Variants in CLPX observed in about 807,000 individuals in gnomAD.
CLPX encodes the protein caseinolytic mitochondrial matrix peptidase chaperone subunit X.
A neutral mutation model predicts 76.4 loss-of-function variants in CLPX; 34 were observed. The ratio of observed to expected loss-of-function variants is 0.45; its 90% CI spans 0.34 to 0.59. The LOEUF (loss-of-function observed/expected upper bound fraction) is 0.59. CLPX is among the 20% of genes least tolerant of loss of function. The pLI, the probability that CLPX is intolerant of heterozygous loss-of-function variation, is 0.01. For synonymous variants in CLPX, 248 were observed against 270.9 expected (o/e 0.92, Z 0.83); for missense variants, 613 against 757.0 (o/e 0.81, Z 2.23).
Position 65,185,099 on chromosome 15 carries a change from A to C in CLPX, c.55T>G (p.Ser19Ala), listed in dbSNP as rs765582146. The C allele has an allele frequency of 5.7e-6, 9 of 1,573,990 alleles. No homozygotes were observed. Among genetic ancestry groups the C allele is most frequent in the Non-Finnish European group, 7.7e-6 (9 of 1,161,806 alleles). Residue 19 changes from serine (S) to alanine (A), a missense_variant, in exon 1 of 14, where the codon TCC becomes GCC. By Grantham distance (99) the Ser-to-Ala change is moderately conservative. Coordinates refer to ENST00000300107, the MANE Select transcript of CLPX (RefSeq NM_006660.5). ...CCTCTCTGCGCGGAGGCGAGTGAGG[A>C]GGTGATGAGCCGGACGGCCGCCGCG... Reference protein sequence around the residue: ...CGAAAVRLITSSLASAQRGIS... With the variant: ...CGAAAVRLITASLASAQRGIS...
rs2140626841 is a variant in CLPX at position 65,163,893 on chromosome 15, C to G, written c.673+136G>C. 3 of 796,298 alleles carry G rather than the reference C, an allele frequency of 3.8e-6. No homozygotes were observed. In the East Asian group the frequency reaches 7.7e-5, roughly 20 times the overall value. 49.3% of individuals were successfully genotyped at this position (796,298 alleles called of 1,614,324 possible). On this transcript the variant is annotated intron_variant, in intron 5 of 13. Transcript: ENST00000300107. ...TGTTGGCAAATGATTTCATAACACA[C>G]TAATGGGGAATAACCTGCACTTTGA...
intron 1 of CLPX, among the ~76,000 whole-genome samples, chr15:65,181,967 CA>C (rs2088179693): frequency 6.6e-6 from 1 of 150,676 alleles, no homozygotes; most frequent in Non-Finnish European, 1.5e-5. Context: ...ACTAAAAATA[CA>C]AAAAATTAGC....
At chr15:65,184,780 T>C (rs972890500) in intron 1 of CLPX, among the ~76,000 whole-genome samples, 1 of 152,270 alleles carries the variant, frequency 6.6e-6, no homozygotes. Flanking sequence ...GAGCATTTTG[T>C]GCCTTTCAGG....
intron 3 of CLPX, among the ~76,000 whole-genome samples, chr15:65,171,161 T>C (rs2088000056): frequency 6.6e-6 from 1 of 151,948 alleles, no homozygotes; most frequent in Non-Finnish European, 1.5e-5. Context: ...AAAAACACAT[T>C]CTGGGCCGGC....
chr15:65,168,899 C>G (rs930537601), intron 3 of CLPX, among the ~76,000 whole-genome samples: 5 of 151,412 alleles, frequency 3.3e-5, no homozygotes, highest in African/African-American at 9.7e-5. Context: ...CTCTGTTGCC[C>G]AGGCTGAAGT....
intron 9 of CLPX, 123 bp downstream of exon 9, chr15:65,156,721 G>C (rs1337437613): frequency 5.3e-6 from 3 of 565,570 alleles, no homozygotes; most frequent in Admixed American, 3.4e-5. Context: ...ATGATATGTG[G>C]AGTTTGGGGG....
chr15:65,176,336 G>A (rs1245333883), intron 3 of CLPX, among the ~76,000 whole-genome samples: 5 of 152,140 alleles, frequency 3.3e-5, no homozygotes, highest in Admixed American at 6.6e-5. Context: ...ATCCCAAGAG[G>A]AGCTAGTTTA....
At chr15:65,161,190 C>T (rs532185429) in intron 6 of CLPX, among the ~76,000 whole-genome samples, 15 of 152,190 alleles carry the variant, frequency 9.9e-5, no homozygotes, top group East Asian at 3.9e-4. Context: ...AGCCCTTAAA[C>T]GCAAACAAAG....
chr15:65,152,527 AC>A lies in CLPX; in HGVS notation c.1713del (p.Leu572TyrfsTer2). ...GGGACTTCAAACATTGGTTCTAGTA[AC>A]AGCTTTTCCTAAAGAAATAAAAAGT... ...ARGLRSIMEKLLLEPMFEVPN... is the reference protein window; with the variant it reads ...ARGLRSIMEKXLLEPMFEVPN... On this transcript the variant is annotated frameshift_variant, in exon 13 of 14. Coordinates refer to ENST00000300107, the MANE Select transcript of CLPX (RefSeq NM_006660.5). LOFTEE classifies it high-confidence loss of function. 6.6e-7 allele frequency: 1 copy of A among 1,515,662 alleles called. No homozygotes were observed. Among genetic ancestry groups the A allele is most frequent in the Non-Finnish European group, 8.9e-7 (1 of 1,129,586 alleles). The allele number at this position is 1,515,662 out of a possible 1,614,324, so 93.9% of individuals were successfully genotyped here.
chr15:65,183,279 G>A (rs1469654494), intron 1 of CLPX, among the ~76,000 whole-genome samples: 1 of 151,488 alleles, frequency 6.6e-6, no homozygotes, highest in Non-Finnish European at 1.5e-5. Flanking sequence ...TGGCTAACAC[G>A]GTGAAACCCC....
chr15:65,172,124 C>A (rs868645310), intron 3 of CLPX, among the ~76,000 whole-genome samples: 4 of 152,080 alleles, frequency 2.6e-5, no homozygotes, highest in African/African-American at 7.2e-5. Flanking sequence ...CCACCACACC[C>A]AGCTAATTTT....
intron 7 of CLPX, 120 bp downstream of exon 7, chr15:65,158,455 G>T: frequency 2.5e-6 from 2 of 785,378 alleles, no homozygotes; most frequent in Non-Finnish European, 4.0e-6. Flanking sequence ...GTATCTAGAT[G>T]ACTGGCCTTA....
rs1232089839 is a variant in CLPX at position 65,148,362 on chromosome 15, G to C, written c.*2461C>G. The C allele has an allele frequency of 6.6e-6, 1 of 152,156 alleles. No individual in the cohort carries two copies. The highest frequency in any genetic ancestry group is 1.5e-5 in the Non-Finnish European group (1 of 68,034). 9.4% of individuals were successfully genotyped at this position (152,156 alleles called of 1,614,324 possible). A position where few individuals can be genotyped will look rare whatever the true frequency, so the allele number is the denominator to read the frequency against. On this transcript the variant is annotated 3_prime_UTR_variant, in exon 14 of 14. Coordinates refer to ENST00000300107, the MANE Select transcript of CLPX (RefSeq NM_006660.5). ...TTGTTGTGACTAAAATGCCTCCCCA[G>C]TACATTTCTGGAGGATTAACCTTAA... is the stretch of plus-strand genomic sequence containing the variant.
At chr15:65,164,270 T>A in intron 4 of CLPX, 82 bp from the exon 5 acceptor site, 5 of 1,104,614 alleles carry the variant, frequency 4.5e-6, no homozygotes, top group Non-Finnish European at 6.5e-6. Context: ...CTAAGCATAT[T>A]TGCTTACAGT....
At chr15:65,153,670 TTTATTG>T (rs2087752660) in intron 11 of CLPX, 31 bp from the exon 12 acceptor site, 1 of 1,272,012 alleles carries the variant, frequency 7.9e-7, no homozygotes, top group South Asian at 1.4e-5. Flanking sequence ...AATTATAACT[TTTATTG>T]TTAATTTGTA....
chr15:65,175,952 C>T (rs1272760154), intron 3 of CLPX, among the ~76,000 whole-genome samples: 2 of 152,168 alleles, frequency 1.3e-5, no homozygotes, highest in Non-Finnish European at 2.9e-5. Flanking sequence ...GTGTCATGAT[C>T]ATCTGCATAT....
intron 6 of CLPX, among the ~76,000 whole-genome samples, chr15:65,160,592 T>TTC (rs1226717522): frequency 0.11 from 13,258 of 117,678 alleles, 837 homozygotes; most frequent in Non-Finnish European, 0.12. Context: ...CATTCACTCA[T>TTC]TCTCTCTCTC....
Position 65,155,018 on chromosome 15 carries a change from G to C in CLPX, c.1375C>G (p.Leu459Val). 1 of 1,614,050 alleles carries C rather than the reference G, an allele frequency of 6.2e-7. No homozygotes were observed. Among genetic ancestry groups the C allele is most frequent in the Non-Finnish European group, 8.5e-7 (1 of 1,179,994 alleles). ...KGRRAAAAAD[L>V]ANRSGESNTH... ...TTCGATTCCCCACTTCGATTAGCAA[G>C]GTCTGCAGCAGCTGCAGCCCTTCTG... is the stretch of plus-strand genomic sequence containing the variant. The change falls in exon 11 of 14, where the codon CTT (leucine) becomes GTT (valine). Residue 459 changes from leucine (L) to valine (V), a missense_variant. Leu to Val is a conservative substitution (Grantham distance 32). This residue lies in a region of CLPX where 450 missense variants were observed against 638.6 expected (regional missense o/e 0.70). Transcript: ENST00000300107.
intron 1 of CLPX, among the ~76,000 whole-genome samples, chr15:65,183,460 C>CAAAAAA (rs61002905): frequency 1.7e-4 from 11 of 66,248 alleles, no homozygotes; most frequent in East Asian, 4.7e-4. Flanking sequence ...GACTCTGTCT[C>CAAAAAA]AAAAAAAAAA....
Sources: gnomAD v4.1 joint callset for allele counts (sites outside exome capture counted in the v4.1 genomes callset) on GRCh38, gnomAD v4.1.1 for gene constraint, gnomAD v4.1.1 regional missense constraint, MANE v1.5 for transcripts, NCBI Gene and HGNC (gene_info 2026-07-23, HGNC 2026-07-21) for gene names.